Variants in RP9 observed in about 807,000 individuals in gnomAD.
RP9 encodes the protein retinitis pigmentosa 9 protein.
In RP9, 23 loss-of-function variants were observed where a neutral mutation model predicts 32.6. The observed-to-expected ratio is 0.71, with a 90% CI of 0.51 to 1.00. The LOEUF (loss-of-function observed/expected upper bound fraction) is 1.00. Ranked by LOEUF, RP9 falls within the 50% of genes least tolerant of loss-of-function variation. The pLI is 0.00. For missense variants in RP9, 245 were observed against 285.3 expected (o/e 0.86, Z 1.02); for synonymous variants, 94 against 103.6 (o/e 0.91, Z 0.56).
chr7:33,107,476 A>C (rs538958291), intron 1 of RP9, among the ~76,000 whole-genome samples: 36 of 152,350 alleles, frequency 2.4e-4, no homozygotes, highest in Admixed American at 1.0e-3. Flanking sequence ...TCTGATGCTT[A>C]CGCTAGGGGA....
intron 1 of RP9, among the ~76,000 whole-genome samples, chr7:33,104,581 A>C (rs1788472399): frequency 6.6e-6 from 1 of 152,202 alleles, no homozygotes; most frequent in Non-Finnish European, 1.5e-5. Context: ...GGTAACTTAT[A>C]AAAGAAAGGG....
At chr7:33,096,323 G>A (rs1431566129) in intron 5 of RP9, among the ~76,000 whole-genome samples, 170 bp downstream of exon 5, 1 of 152,204 alleles carries the variant, frequency 6.6e-6, no homozygotes, top group Non-Finnish European at 1.5e-5. Context: ...AGGCTGGCCT[G>A]CTCATTCCCC....
At chr7:33,102,109 T>C (rs1381434599) in intron 1 of RP9, among the ~76,000 whole-genome samples, 1 of 152,226 alleles carries the variant, frequency 6.6e-6, no homozygotes, top group Admixed American at 6.5e-5. Flanking sequence ...GGAAATATAA[T>C]ATTATCAGCA....
intron 1 of RP9, among the ~76,000 whole-genome samples, chr7:33,107,375 G>C (rs1788513638): frequency 1.3e-5 from 2 of 152,194 alleles, no homozygotes; most frequent in Non-Finnish European, 2.9e-5. Context: ...TCTCATCTGT[G>C]AAAAAGCTCT....
chr7:33,104,478 T>C (rs1010399960), intron 1 of RP9, among the ~76,000 whole-genome samples: 4 of 148,062 alleles, frequency 2.7e-5, no homozygotes, highest in African/African-American at 9.9e-5. Context: ...AAAAAAAAAG[T>C]CAATTGGAAA....
At chr7:33,103,405 T>C (rs1788455602) in intron 1 of RP9, among the ~76,000 whole-genome samples, 1 of 152,138 alleles carries the variant, frequency 6.6e-6, no homozygotes, top group Non-Finnish European at 1.5e-5. Context: ...ATAAAAAGGG[T>C]ACCCTGCAGC....
At chr7:33,107,525 C>T (rs1193437214) in intron 1 of RP9, among the ~76,000 whole-genome samples, 2 of 152,140 alleles carry the variant, frequency 1.3e-5, no homozygotes, top group Non-Finnish European at 2.9e-5. Context: ...AGACCAAGAG[C>T]GCCACACAGT....
At chr7:33,099,184 A>G in intron 3 of RP9, 123 bp downstream of exon 3, 1 of 1,126,514 alleles carries the variant, frequency 8.9e-7, no homozygotes, top group Non-Finnish European at 1.3e-6. Context: ...TATCTAGAAG[A>G]TGGAGAACGT....
At chr7:33,101,630 C>T (rs534367818) in intron 1 of RP9, among the ~76,000 whole-genome samples, 13 of 151,892 alleles carry the variant, frequency 8.6e-5, no homozygotes, top group African/African-American at 3.1e-4. Flanking sequence ...TCATTCTCCC[C>T]TTCTATAAGA....
Position 33,098,278 on chromosome 7 carries a change from C to T in RP9, c.314-916G>A, listed in dbSNP as rs754807192. 1.9e-4 allele frequency among the ~76,000 whole-genome samples: 29 copies of T among 152,244 alleles called. 1 individual carries two copies. The Middle Eastern group carries it at 0.017, about 89-fold the overall frequency. ...GGCGCATGCCTGTAGTCCCAGCTATCTCAGAGGCTGATGTGAGATCACCTG... is the reference window on the plus strand; with the variant it reads ...GGCGCATGCCTGTAGTCCCAGCTATTTCAGAGGCTGATGTGAGATCACCTG... On this transcript the variant is annotated intron_variant, in intron 3 of 5. Transcript: ENST00000297157.
At chr7:33,100,994 C>T (rs1003541190) in intron 1 of RP9, 41 of 322,658 alleles carry the variant, frequency 1.3e-4, no homozygotes, top group Non-Finnish European at 1.9e-4. Context: ...ACCCTTTAAA[C>T]CTTTAGGGAA....
intron 2 of RP9, chr7:33,100,167 G>A (rs1294873839): frequency 2.9e-6 from 1 of 350,340 alleles, no homozygotes; most frequent in East Asian, 7.2e-5. Flanking sequence ...AGAGTTTACT[G>A]CTCTCTGAGC....
Position 33,100,530 on chromosome 7 carries a change from C to G in RP9, c.183+1G>C. On this transcript the variant is annotated splice_donor_variant, in intron 2 of 5. Transcript: ENST00000297157. LOFTEE classifies it high-confidence loss of function. ...ACCAAGAGTACAAACTTCACACTAA[C>G]CTTGATAAGCCCAGGAGGAGGTTTT... is the stretch of plus-strand genomic sequence containing the variant. 2.5e-6 allele frequency: 4 copies of G among 1,613,036 alleles called. No individual in the cohort carries two copies. Among genetic ancestry groups the G allele is most frequent in the Non-Finnish European group, 3.4e-6 (4 of 1,179,050 alleles).
chr7:33,105,679 AG>A lies in RP9; in HGVS notation c.152+3541del, dbSNP rs930900016. On this transcript the variant is annotated intron_variant, in intron 1 of 5. Coordinates refer to ENST00000297157, the MANE Select transcript of RP9 (RefSeq NM_203288.2). ...GAAAGGGTCCTGCCCCATATCTGGG[AG>A]GAAGTAATCGTACACAGAGAGGCCT... Among the ~76,000 whole-genome samples, 2 of 152,164 alleles carry A rather than the reference AG, an allele frequency of 1.3e-5. 1 individual carries two copies. The highest frequency in any genetic ancestry group is 6.3e-3 in the Middle Eastern group (2 of 316).
At chr7:33,099,475 G>A (rs1246345153) in intron 2 of RP9, 39 bp from the exon 3 acceptor site, 28 of 1,612,988 alleles carry the variant, frequency 1.7e-5, no homozygotes, top group East Asian at 6.7e-5. Flanking sequence ...TGGCAAGAGC[G>A]CTGGGATTCT....
chr7:33,095,578 ATTC>A (rs1243778872), intron 5 of RP9, 146 bp from the exon 6 acceptor site: 4 of 1,402,342 alleles, frequency 2.9e-6, no homozygotes, highest in Non-Finnish European at 3.9e-6. Context: ...CTGTTTTCTC[ATTC>A]TTCTCCACCT....
intron 1 of RP9, among the ~76,000 whole-genome samples, chr7:33,107,099 T>G (rs1788510555): frequency 6.6e-6 from 1 of 152,234 alleles, no homozygotes; most frequent in Non-Finnish European, 1.5e-5. Context: ...GGTAGCACTT[T>G]TAGTACTATT....
chr7:33,102,289 C>T (rs1162356466), intron 1 of RP9, among the ~76,000 whole-genome samples: 2 of 152,170 alleles, frequency 1.3e-5, no homozygotes, highest in Admixed American at 6.5e-5. Flanking sequence ...TATGTTCACG[C>T]ACAGTTTAGG....
At position 33,095,267 on chromosome 7, in the gene RP9, A is replaced by T. The variant is rs1022052143; in HGVS notation, c.633T>A (p.Ser211=). ...KKKKKKRKHK[S]SKSNEGSDSE ...AGTCAGAACCCTCATTTGACTTGGA[A>T]GATTTGTGCTTCCGTTTTTTCTTCT... The change falls in exon 6 of 6, where the codon TCT becomes TCA. Residue 211 remains serine, a synonymous_variant. Coordinates refer to ENST00000297157, the MANE Select transcript of RP9 (RefSeq NM_203288.2). The T allele has an allele frequency of 6.2e-6, 10 of 1,612,970 alleles. No homozygotes were observed. The African/African-American group carries it at 1.1e-4, about 17-fold the overall frequency.
Sources: allele counts gnomAD v4.1 joint callset (sites outside exome capture counted in the v4.1 genomes callset), GRCh38; gene constraint gnomAD v4.1.1; transcripts MANE v1.5; gene names NCBI Gene and HGNC (gene_info 2026-07-23, HGNC 2026-07-21).